NID1: variants seen among roughly 807,000 people sequenced by gnomAD.
The protein encoded by NID1 is nidogen-1.
In NID1, 76 loss-of-function variants were observed where a neutral mutation model predicts 130.6. The ratio of observed to expected loss-of-function variants is 0.58; its 90% CI spans 0.48 to 0.70. The LOEUF (loss-of-function observed/expected upper bound fraction) is 0.70, where lower values mean the gene tolerates loss of function less well. Ranked by LOEUF, NID1 falls within the 30% of genes least tolerant of loss-of-function variation. The pLI, the probability that NID1 is intolerant of heterozygous loss-of-function variation, is 0.00. For missense variants in NID1, 1,517 were observed against 1,664.8 expected (o/e 0.91, Z 1.54); for synonymous variants, 665 against 675.1 (o/e 0.98, Z 0.23).
In NID1 at chr1:236,016,841, C is replaced by CT. The variant is rs34470941; in HGVS notation, c.2254+306dup. On this transcript the variant is annotated intron_variant, in intron 10 of 19. Coordinates refer to ENST00000264187, the MANE Select transcript of NID1 (RefSeq NM_002508.3). Reference sequence around the variant, plus strand: ...TTACTGGAAGAAACATGTCTAATAGCTTATAGTTATTAAAAGCATAATGAA... The same window carrying CT: ...TTACTGGAAGAAACATGTCTAATAGCTTTATAGTTATTAAAAGCATAATGAA... Among the ~76,000 whole-genome samples the CT allele has an allele frequency of 0.65, 98,667 of 151,912 alleles. 33,389 individuals are homozygous for CT. The highest frequency in any genetic ancestry group is 0.83 in the African/African-American group (34,291 of 41,428).
chr1:235,979,856 A>G lies in NID1; in HGVS notation c.3475T>C (p.Tyr1159His). Residue 1159 changes from tyrosine (Y) to histidine (H), a missense_variant, in exon 18 of 20, where the codon TAC becomes CAC. Around this residue, in one of 3 missense-constraint regions of NID1, gnomAD observed 181 missense variants for 211.3 expected, o/e 0.86. Transcript: ENST00000264187. The surrounding 1 kb of genome is among the most constrained non-coding windows in gnomAD (Gnocchi z 4.6). ...TCTGTGAAATACAGATTCTTCCCGT[A>G]GCTCGTCACAGCAAAAGGATACTGG... ...GLQYPFAVTS[Y>H]GKNLYFTDWK... is the part of the protein sequence containing the mutation. 1 of 1,614,140 alleles carries G rather than the reference A, an allele frequency of 6.2e-7. No individual in the cohort carries two copies. Among genetic ancestry groups the G allele is most frequent in the Non-Finnish European group, 8.5e-7 (1 of 1,179,982 alleles).
At chr1:235,992,368 G>A (rs1412011492) in intron 13 of NID1, among the ~76,000 whole-genome samples, 1 of 152,144 alleles carries the variant, frequency 6.6e-6, no homozygotes, top group African/African-American at 2.4e-5. Context: ...CCCCGCCAGG[G>A]ACTGTCAAGC....
intron 1 of NID1, 23 bp downstream of exon 1, chr1:236,064,832 C>A (rs760791410): frequency 1.3e-6 from 2 of 1,598,134 alleles, no homozygotes; most frequent in South Asian, 2.2e-5. Context: ...AGCCCCTCGC[C>A]CGCCCTCCCG....
rs3213190 is a variant in NID1 at position 235,977,874 on chromosome 1, T to C, written c.3737A>G (p.Gln1246Arg). 336,104 of 1,613,488 alleles carry C rather than the reference T, an allele frequency of 0.21. 41,198 individuals are homozygous for C. The highest frequency in any genetic ancestry group is 0.63 in the East Asian group (28,293 of 44,844). Residue 1246 changes from glutamine to arginine, a missense_variant, in exon 20 of 20, where the codon CAG becomes CGG. By Grantham distance (43) the Gln-to-Arg change is conservative. Coordinates refer to ENST00000264187, the MANE Select transcript of NID1 (RefSeq NM_002508.3). ...AATAAGGCACTCTTGTCTTCATTTC[T>C]GTTCGATACAGTCAACTCCCAAGGT... ...DNTLGVDCIE[Q>R]K
At chr1:236,043,043 T>G (rs1233417660) in intron 3 of NID1, among the ~76,000 whole-genome samples, 1 of 152,182 alleles carries the variant, frequency 6.6e-6, no homozygotes, top group Non-Finnish European at 1.5e-5. Flanking sequence ...AGCTTCTGGG[T>G]TGAACACATC....
intron 12 of NID1, among the ~76,000 whole-genome samples, chr1:235,996,450 AT>A (rs536824976): frequency 7.6e-4 from 114 of 149,454 alleles, no homozygotes; most frequent in African/African-American, 2.1e-3. Context: ...CACTCCATGT[AT>A]TTTTTTTTTA....
intron 9 of NID1, among the ~76,000 whole-genome samples, chr1:236,023,469 T>A (rs1450788639): frequency 1.3e-5 from 2 of 152,070 alleles, no homozygotes; most frequent in African/African-American, 4.8e-5. Context: ...GGGGGAAATG[T>A]GAGTTGTTGT....
chr1:236,029,643 C>G lies in NID1; in HGVS notation c.1645G>C (p.Asp549His), dbSNP rs367835390. ...GGCACGCGGCCCTCCAGCTCCGTGTCGATGGTCAGGTGCCCATGCTCATCG... is the reference window on the plus strand; with the variant it reads ...GGCACGCGGCCCTCCAGCTCCGTGTGGATGGTCAGGTGCCCATGCTCATCG... Reference protein sequence around the residue: ...GIDEHGHLTIDTELEGRVPQI... With the variant: ...GIDEHGHLTIHTELEGRVPQI... The change falls in exon 7 of 20, where the codon GAC becomes CAC. Residue 549 changes from aspartate to histidine, a missense_variant. Asp to His is a moderately conservative substitution (Grantham distance 81). Coordinates refer to ENST00000264187, the MANE Select transcript of NID1 (RefSeq NM_002508.3). 5 of 1,612,938 alleles carry G rather than the reference C, an allele frequency of 3.1e-6. No homozygotes were observed. In the African/African-American group the frequency reaches 4.0e-5, roughly 13 times the overall value.
chr1:236,021,143 G>A (rs995833557), intron 9 of NID1, among the ~76,000 whole-genome samples: 7 of 152,124 alleles, frequency 4.6e-5, no homozygotes, highest in Non-Finnish European at 8.8e-5. Flanking sequence ...CCCCATCCCC[G>A]CATGCCAGCC....
intron 1 of NID1, among the ~76,000 whole-genome samples, chr1:236,063,145 C>T (rs1660087579): frequency 9.7e-6 from 1 of 102,614 alleles, no homozygotes; most frequent in Non-Finnish European, 1.8e-5. Flanking sequence ...CAGAGTGAGA[C>T]TTCATCTCAA....
chr1:235,982,842 G>T (rs1033775647), intron 15 of NID1, among the ~76,000 whole-genome samples: 6 of 152,090 alleles, frequency 3.9e-5, no homozygotes, highest in African/African-American at 1.2e-4. Context: ...GGGATCTGGG[G>T]TATGAGGCAA....
At position 236,062,276 on chromosome 1, in the gene NID1, A is replaced by G. The variant is rs559981258; in HGVS notation, c.225+2579T>C. ...GTCTCCCTCCTTCTTTTTCCCCACCATGCCATTTATTTGTTGAAGAGAATG... is the reference window on the plus strand; with the variant it reads ...GTCTCCCTCCTTCTTTTTCCCCACCGTGCCATTTATTTGTTGAAGAGAATG... On this transcript the variant is annotated intron_variant, in intron 1 of 19. Coordinates refer to ENST00000264187, the MANE Select transcript of NID1 (RefSeq NM_002508.3). Among the ~76,000 whole-genome samples, 57 of 152,240 alleles carry G rather than the reference A, an allele frequency of 3.7e-4. 1 individual carries two copies. The highest frequency in any genetic ancestry group is 9.8e-4 in the Admixed American group (15 of 15,290).
intron 5 of NID1, 36 bp from the exon 6 acceptor site, chr1:236,032,688 C>G: frequency 1.2e-6 from 2 of 1,605,918 alleles, no homozygotes; most frequent in Non-Finnish European, 1.7e-6. Flanking sequence ...ATAGAGATCA[C>G]TTCCAAGCCA....
Position 236,042,149 on chromosome 1 carries a change from G to T in NID1, c.896C>A (p.Ala299Glu). The T allele has an allele frequency of 1.2e-6, 2 of 1,613,992 alleles. No individual in the cohort carries two copies. The highest frequency in any genetic ancestry group is 1.7e-6 in the Non-Finnish European group (2 of 1,180,020). The change falls in exon 4 of 20, where the codon GCG (alanine) becomes GAG (glutamate). Residue 299 changes from alanine (A) to glutamate (E), a missense_variant. Physicochemically the swap from Ala to Glu is moderately radical, Grantham distance 107 (BLOSUM62 -1). Coordinates refer to ENST00000264187, the MANE Select transcript of NID1 (RefSeq NM_002508.3). ...YDDEDEDYDLATTRLGLEDVG... is the reference protein window; with the variant it reads ...YDDEDEDYDLETTRLGLEDVG... ...ATCCTCCAGGCCCAGACGAGTGGTC[G>T]CCAGGTCATAATCTTCATCCTCATC... is the stretch of plus-strand genomic sequence containing the variant.
intron 9 of NID1, among the ~76,000 whole-genome samples, chr1:236,017,970 C>T (rs941264190): frequency 5.3e-5 from 8 of 152,048 alleles, no homozygotes; most frequent in Non-Finnish European, 1.0e-4. Context: ...TTTAAATATG[C>T]TATTATTCGA....
intron 1 of NID1, among the ~76,000 whole-genome samples, chr1:236,059,830 G>T (rs1045879272): frequency 1.3e-5 from 2 of 152,174 alleles, no homozygotes; most frequent in African/African-American, 4.8e-5. Context: ...AGCCGGGCGT[G>T]GTGGCTCACG....
In NID1 at chr1:235,979,072, T is replaced by A; in HGVS notation, c.3545A>T (p.Lys1182Met). ...SVVALDLAIS[K>M]ETDAFQPHKQ... is the part of the protein sequence containing the mutation. ...GTGGGGTTGGAAAGCATCCGTCTCC[T>A]TGGAAATTGCAAGATCGAGAGCAAC... The change falls in exon 19 of 20, where the codon AAG becomes ATG. Residue 1182 changes from lysine (K) to methionine (M), a missense_variant. Physicochemically the swap from Lys to Met is moderately conservative, Grantham distance 95. This residue lies in a region of NID1 where 181 missense variants were observed against 211.3 expected (regional missense o/e 0.86). Coordinates refer to ENST00000264187, the MANE Select transcript of NID1 (RefSeq NM_002508.3). The surrounding 1 kb of genome is among the most constrained non-coding windows in gnomAD (Gnocchi z 4.6). The A allele has an allele frequency of 6.2e-7, 1 of 1,614,028 alleles. No individual in the cohort carries two copies. The highest frequency in any genetic ancestry group is 1.1e-5 in the South Asian group (1 of 91,066).
intron 12 of NID1, among the ~76,000 whole-genome samples, chr1:236,007,454 T>G (rs1658283336): frequency 6.6e-6 from 1 of 152,144 alleles, no homozygotes; most frequent in African/African-American, 2.4e-5. Flanking sequence ...CTTCCATACT[T>G]GGGCAGACCC....
intron 1 of NID1, among the ~76,000 whole-genome samples, chr1:236,055,036 G>A (rs12735470): frequency 0.032 from 4,834 of 152,108 alleles, 106 homozygotes; most frequent in East Asian, 0.082. Context: ...CGCGTGCGGT[G>A]GCTCACGCCT....
Sources: allele counts gnomAD v4.1 joint callset (sites outside exome capture counted in the v4.1 genomes callset), GRCh38; gene constraint gnomAD v4.1.1; regional missense constraint gnomAD v4.1.1; non-coding constraint Gnocchi (gnomAD v3.1); transcripts MANE v1.5; gene names NCBI Gene and HGNC (gene_info 2026-07-23, HGNC 2026-07-21).